Variants in ABCB11 observed in about 807,000 individuals in gnomAD.
ABCB11 encodes the protein bile salt export pump.
ABCB11 carries 95 observed loss-of-function variants against 148.0 expected under a neutral mutation model. The ratio of observed to expected loss-of-function variants is 0.64; its 90% CI spans 0.54 to 0.76. The LOEUF is 0.76. ABCB11 is among the 30% of genes least tolerant of loss of function. ABCB11 has a pLI of 0.00. For synonymous variants in ABCB11, 591 were observed against 555.4 expected (o/e 1.06, Z -0.90); for missense variants, 1,523 against 1,617.8 (o/e 0.94, Z 1.01).
At chr2:168,992,641 G>T (rs956842682) in intron 8 of ABCB11, among the ~76,000 whole-genome samples, 12 of 152,002 alleles carry the variant, frequency 7.9e-5, no homozygotes, top group Non-Finnish European at 1.8e-4. Context: ...TTTTTGGGAG[G>T]TATTATCCCT....
intron 26 of ABCB11, 71 bp from the exon 27 acceptor site, chr2:168,924,874 A>G (rs1691236710): frequency 1.5e-6 from 2 of 1,303,572 alleles, no homozygotes; most frequent in African/African-American, 1.5e-5. Flanking sequence ...AACTCATGTC[A>G]AGGTCTCCTC....
At chr2:169,014,260 A>G (rs1432622694) in intron 4 of ABCB11, 43 bp downstream of exon 4, 11 of 1,582,244 alleles carry the variant, frequency 7.0e-6, no homozygotes, top group Admixed American at 3.3e-5. Context: ...TAAACAATTT[A>G]TAGCTGCACA....
chr2:168,942,267 T>C (rs953044952), intron 21 of ABCB11, among the ~76,000 whole-genome samples: 2 of 151,858 alleles, frequency 1.3e-5, no homozygotes, highest in African/African-American at 4.8e-5. Flanking sequence ...TGTTTGTATG[T>C]CTCTCAGGAA....
intron 2 of ABCB11, 21 bp from the exon 3 acceptor site, chr2:169,016,820 C>A (rs372540174): frequency 6.4e-7 from 1 of 1,570,568 alleles, no homozygotes; most frequent in South Asian, 1.2e-5. Flanking sequence ...AAAAAATCAA[C>A]GCAAAAAAGC....
intron 5 of ABCB11, among the ~76,000 whole-genome samples, chr2:168,997,898 T>C (rs1167477648): frequency 6.6e-6 from 1 of 152,000 alleles, no homozygotes; most frequent in African/African-American, 2.4e-5. Context: ...CTGCCTGAAA[T>C]CAATAAATGT....
chr2:169,018,271 CA>C, intron 1 of ABCB11, 119 bp from the exon 2 acceptor site: 1 of 897,452 alleles, frequency 1.1e-6, no homozygotes, highest in Non-Finnish European at 1.7e-6. Flanking sequence ...CAATCTCAGA[CA>C]AAAGTTTTAA....
chr2:169,007,772 G>A (rs1392751442), intron 5 of ABCB11, among the ~76,000 whole-genome samples: 2 of 151,944 alleles, frequency 1.3e-5, no homozygotes, highest in African/African-American at 2.4e-5. Flanking sequence ...AGCAACAAAA[G>A]AACAAACTAG....
chr2:168,935,516 T>TGGCA, intron 22 of ABCB11, 91 bp from the exon 23 acceptor site: 2 of 1,466,706 alleles, frequency 1.4e-6, no homozygotes, highest in Non-Finnish European at 9.2e-7. Flanking sequence ...ATGGTGCAAA[T>TGGCA]GGCAGAATGT....
chr2:168,976,654 A>G lies in ABCB11; in HGVS notation c.1231T>C (p.Tyr411His). 1 of 1,611,618 alleles carries G rather than the reference A, an allele frequency of 6.2e-7. No individual in the cohort carries two copies. Among genetic ancestry groups the G allele is most frequent in the Non-Finnish European group, 8.5e-7 (1 of 1,178,230 alleles). ...PIIDCMSEDGYKLDRIKGEIE... is the reference protein window; with the variant it reads ...PIIDCMSEDGHKLDRIKGEIE... ...TCACCCTTGATTCGATCCAACTTGT[A>G]ACCATCTTCTGACATGCAGTCAATG... Residue 411 changes from tyrosine to histidine, a missense_variant, in exon 12 of 28, where the codon TAC becomes CAC. By Grantham distance (83) the Tyr-to-His change is moderately conservative. Coordinates refer to ENST00000650372, the MANE Select transcript of ABCB11 (RefSeq NM_003742.4).
In ABCB11 at chr2:168,969,496, G is replaced by C; in HGVS notation, c.1865C>G (p.Ala622Gly). Residue 622 changes from alanine (A) to glycine (G), a missense_variant, in exon 16 of 28, where the codon GCT becomes GGT. By Grantham distance (60) the Ala-to-Gly change is moderately conservative. Coordinates refer to ENST00000650372, the MANE Select transcript of ABCB11 (RefSeq NM_003742.4). ...TTCAAAACCAATGATGGTATCTGCA[G>C]CTCTGACCGTAGACAAGCGATGAGC... ...SVAHRLSTVR[A>G]ADTIIGFEHG... 1.9e-6 allele frequency: 3 copies of C among 1,612,558 alleles called. No individual in the cohort carries two copies. Among genetic ancestry groups the C allele is most frequent in the Non-Finnish European group, 2.5e-6 (3 of 1,179,198 alleles).
At chr2:168,974,350 G>A (rs1189025534) in intron 12 of ABCB11, among the ~76,000 whole-genome samples, 3 of 151,930 alleles carry the variant, frequency 2.0e-5, no homozygotes, top group South Asian at 2.1e-4. Flanking sequence ...AAATATACAC[G>A]GTGTGTTTGC....
intron 11 of ABCB11, among the ~76,000 whole-genome samples, chr2:168,979,086 C>T (rs1244242979): frequency 1.3e-5 from 2 of 152,094 alleles, no homozygotes; most frequent in Non-Finnish European, 2.9e-5. Context: ...AGTAAAATCC[C>T]TTTTTGCCAT....
chr2:168,927,117 C>T, intron 26 of ABCB11, 39 bp downstream of exon 26: 2 of 1,537,050 alleles, frequency 1.3e-6, no homozygotes, highest in African/African-American at 1.4e-5. Flanking sequence ...TCTCCCCATC[C>T]TTGTCTCTCA....
At chr2:168,990,368 A>G (rs562886015) in intron 9 of ABCB11, among the ~76,000 whole-genome samples, 24 of 151,968 alleles carry the variant, frequency 1.6e-4, no homozygotes, top group Non-Finnish European at 3.4e-4. Flanking sequence ...GAATTTATCC[A>G]TTTCTTCTAG....
intron 7 of ABCB11, 80 bp downstream of exon 7, chr2:168,995,269 T>C: frequency 6.8e-7 from 1 of 1,467,024 alleles, no homozygotes; most frequent in South Asian, 1.3e-5. Flanking sequence ...AAAATATTTT[T>C]AAATTTTTAT....
At chr2:168,917,061 C>T (rs1690954218), downstream of ABCB11, among the ~76,000 whole-genome samples, 2 of 152,122 alleles carry the variant, frequency 1.3e-5, no homozygotes, top group South Asian at 2.1e-4. Context: ...CCAGGACCTA[C>T]ATTTTAAAAT....
intron 2 of ABCB11, 120 bp from the exon 3 acceptor site, chr2:169,016,919 T>C: frequency 1.4e-6 from 1 of 735,652 alleles, no homozygotes; most frequent in South Asian, 1.6e-5. Flanking sequence ...TCATGGAATA[T>C]TAGCAAATGA....
intron 10 of ABCB11, among the ~76,000 whole-genome samples, 174 bp downstream of exon 10, chr2:168,985,936 A>T (rs879877138): frequency 2.6e-5 from 4 of 152,130 alleles, no homozygotes; most frequent in Non-Finnish European, 5.9e-5. Context: ...TCCCAAAAAA[A>T]TTATGGAAAT....
At chr2:168,977,915 A>G (rs1693981252) in intron 11 of ABCB11, among the ~76,000 whole-genome samples, 1 of 152,148 alleles carries the variant, frequency 6.6e-6, no homozygotes, top group Non-Finnish European at 1.5e-5. Flanking sequence ...ATTACAGTTC[A>G]AGATAAGATT....
Sources: gnomAD v4.1 joint callset for allele counts (sites outside exome capture counted in the v4.1 genomes callset) on GRCh38, gnomAD v4.1.1 for gene constraint, MANE v1.5 for transcripts, NCBI Gene and HGNC (gene_info 2026-07-23, HGNC 2026-07-21) for gene names.